ZBED4: variants seen among roughly 807,000 people sequenced by gnomAD.
ZBED4 encodes the protein zinc finger BED-type containing 4, also known as zinc finger BED domain-containing protein 4.
Under a neutral mutation model 15.5 loss-of-function variants are expected in ZBED4, and 4 were observed. The ratio of observed to expected loss-of-function variants is 0.26; its 90% CI spans 0.13 to 0.59. The LOEUF (loss-of-function observed/expected upper bound fraction) is 0.59. ZBED4 is among the 20% of genes least tolerant of loss of function. The pLI is 0.90. For missense variants in ZBED4, 1,323 were observed against 1,461.8 expected (o/e 0.91, Z 1.55); for synonymous variants, 692 against 608.5 (o/e 1.14, Z -2.02).
chr22:49,885,897 C>T lies in ZBED4; in HGVS notation c.2235C>T (p.Thr745=). ...GTAACCAGACCCGTGAGTACCTGAC[C>T]CTCACGGCCCACTGGGTTTCCTTCG... ...WMSNQTREYL[T]LTAHWVSFES... The change falls in exon 2 of 2, where the codon ACC becomes ACT. Residue 745 remains threonine (T), a synonymous_variant. Transcript: ENST00000216268. The T allele has an allele frequency of 9.4e-7, 1 of 1,064,472 alleles. No homozygotes were observed. The highest frequency in any genetic ancestry group is 1.4e-6 in the Non-Finnish European group (1 of 693,418). 65.9% of individuals were successfully genotyped at this position (1,064,472 alleles called of 1,614,324 possible).
At position 49,884,577 on chromosome 22, in the gene ZBED4, C is replaced by T. The variant is rs770426696; in HGVS notation, c.915C>T (p.Val305=). 1.8e-5 allele frequency: 29 copies of T among 1,612,414 alleles called. No individual in the cohort carries two copies. The Admixed American group carries it at 4.8e-4, about 27-fold the overall frequency. The part of the protein sequence containing the change: ...YLSPLDNSKA[V]CIHCMNEFSR... ...CGCCACTGGACAACTCCAAAGCTGT[C>T]TGCATTCACTGCATGAACGAGTTCA... Residue 305 remains valine (V), a synonymous_variant, in exon 2 of 2, where the codon GTC becomes GTT. Coordinates refer to ENST00000216268, the MANE Select transcript of ZBED4 (RefSeq NM_014838.3).
chr22:49,853,546 G>A (rs1378575302), upstream of ZBED4, among the ~76,000 whole-genome samples: 1 of 152,164 alleles, frequency 6.6e-6, no homozygotes, highest in East Asian at 1.9e-4. Context: ...AGGCGCCCGC[G>A]CCCCGCCCAG....
intron 1 of ZBED4, among the ~76,000 whole-genome samples, chr22:49,871,777 C>T (rs1280451237): frequency 2.1e-5 from 3 of 142,672 alleles, no homozygotes; most frequent in Non-Finnish European, 3.1e-5. Flanking sequence ...TTTTTTGAGA[C>T]AGAGTCTTAC....
At chr22:49,863,381 C>T (rs2060306190) in intron 1 of ZBED4, among the ~76,000 whole-genome samples, 1 of 152,200 alleles carries the variant, frequency 6.6e-6, no homozygotes, top group African/African-American at 2.4e-5. Flanking sequence ...GTAATCCCAG[C>T]ACTTTGGGAG....
chr22:49,883,691 A>C lies in ZBED4; in HGVS notation c.29A>C (p.Lys10Thr). MENNLKTCP[K>T]EDGDFVSDKI... The stretch of plus-strand genomic sequence containing the variant: ...GAGAATAACTTGAAAACTTGTCCCA[A>C]AGAGGACGGTGATTTCGTTTCTGAT... Residue 10 changes from lysine to threonine, a missense_variant, in exon 2 of 2, where the codon AAA becomes ACA. By Grantham distance (78) the Lys-to-Thr change is moderately conservative (BLOSUM62 -1). Around this residue, in one of 6 missense-constraint regions of ZBED4, gnomAD observed 380 missense variants for 413.7 expected, o/e 0.92. Transcript: ENST00000216268. 6.3e-7 allele frequency: 1 copy of C among 1,595,444 alleles called. No homozygotes were observed. Among genetic ancestry groups the C allele is most frequent in the Non-Finnish European group, 8.6e-7 (1 of 1,166,724 alleles).
chr22:49,886,841 C>T lies in ZBED4; in HGVS notation c.3179C>T (p.Ala1060Val), dbSNP rs772461374. The T allele has an allele frequency of 6.2e-6, 10 of 1,613,868 alleles. No individual in the cohort carries two copies. The Admixed American group carries it at 1.5e-4, about 24-fold the overall frequency. ...DAGSPSKDSA[A>V]EENLWSLVAK... ...GGCTCCCCGTCGAAAGACTCTGCCG[C>T]AGAGGAGAACCTGTGGTCACTTGTG... Residue 1060 changes from alanine (A) to valine (V), a missense_variant, in exon 2 of 2, where the codon GCA becomes GTA. By Grantham distance (64) the Ala-to-Val change is moderately conservative. This residue lies in a region of ZBED4 where 312 missense variants were observed against 410.7 expected (regional missense o/e 0.76). Coordinates refer to ENST00000216268, the MANE Select transcript of ZBED4 (RefSeq NM_014838.3). This position sits in a 1 kb window ranked among gnomAD's most constrained non-coding sequence, Gnocchi z 7.7.
At chr22:49,853,117 C>A (rs1000774008), upstream of ZBED4, 2 of 152,320 alleles carry the variant, frequency 1.3e-5, no homozygotes, top group South Asian at 4.1e-4. Context: ...ACCTCGGGGC[C>A]ACATTCAGCA....
chr22:49,861,580 C>T (rs1051227742), intron 1 of ZBED4, among the ~76,000 whole-genome samples: 19 of 152,132 alleles, frequency 1.2e-4, no homozygotes, highest in African/African-American at 4.1e-4. Context: ...ACTACAGGCG[C>T]ATGCCACCAT....
intron 1 of ZBED4, among the ~76,000 whole-genome samples, chr22:49,882,081 T>C (rs899332516): frequency 2.6e-5 from 4 of 152,214 alleles, no homozygotes; most frequent in African/African-American, 4.8e-5. Flanking sequence ...AAATACATGA[T>C]GTGGTGACTT....
Position 49,885,657 on chromosome 22 carries a change from G to C in ZBED4, c.1995G>C (p.Met665Ile). The change falls in exon 2 of 2, where the codon ATG becomes ATC. Residue 665 changes from methionine to isoleucine, a missense_variant. Met to Ile is a conservative substitution (Grantham distance 10). Around this residue, in one of 6 missense-constraint regions of ZBED4, gnomAD observed 89 missense variants for 129.8 expected, o/e 0.69. Transcript: ENST00000216268. ...AKKITSLIAE[M>I]IALDLQPYSF... ...AAATCACAAGTCTCATAGCTGAAAT[G>C]ATTGCACTTGACCTCCAGCCATATT... 6.2e-7 allele frequency: 1 copy of C among 1,612,992 alleles called. No individual in the cohort carries two copies. The highest frequency in any genetic ancestry group is 8.5e-7 in the Non-Finnish European group (1 of 1,179,050).
chr22:49,857,580 T>G (rs571299243), intron 1 of ZBED4, among the ~76,000 whole-genome samples: 9 of 152,312 alleles, frequency 5.9e-5, no homozygotes, highest in African/African-American at 2.2e-4. Context: ...ACCTTTAGCT[T>G]TGGGTTCCCC....
Position 49,873,604 on chromosome 22 carries a change from G to A in ZBED4, c.-329-9730G>A, listed in dbSNP as rs74833540. ...CTGTTAGAAAATGGCACCGATGGAC[G>A]TGCTTGATGCAGGATTGCCACAAAC... is the stretch of plus-strand genomic sequence containing the variant. On this transcript the variant is annotated intron_variant, in intron 1 of 1. Coordinates refer to ENST00000216268, the MANE Select transcript of ZBED4 (RefSeq NM_014838.3). 1.3e-4 allele frequency among the ~76,000 whole-genome samples: 20 copies of A among 151,996 alleles called. 3 individuals carry two copies. The highest frequency in any genetic ancestry group is 6.5e-4 in the Admixed American group (10 of 15,300).
intron 1 of ZBED4, among the ~76,000 whole-genome samples, chr22:49,870,939 A>G (rs1461355926): frequency 1.1e-5 from 1 of 89,340 alleles, no homozygotes; most frequent in East Asian, 3.7e-4. Context: ...TTTTTAAAAG[A>G]TAGATTTTTT....
intron 1 of ZBED4, among the ~76,000 whole-genome samples, chr22:49,865,919 C>G (rs2060320597): frequency 6.6e-6 from 1 of 151,132 alleles, no homozygotes; most frequent in South Asian, 2.1e-4. Context: ...ACTATATTGC[C>G]CAGGCTGGTC....
At chr22:49,869,693 G>A (rs1433056545) in intron 1 of ZBED4, among the ~76,000 whole-genome samples, 4 of 152,088 alleles carry the variant, frequency 2.6e-5, no homozygotes, top group African/African-American at 4.8e-5. Context: ...ACGTAAAAGT[G>A]GAAAGGGTAG....
chr22:49,862,334 C>G (rs150692212), intron 1 of ZBED4, among the ~76,000 whole-genome samples: 1 of 152,224 alleles, frequency 6.6e-6, no homozygotes, highest in Admixed American at 6.5e-5. Flanking sequence ...GAATTGATCT[C>G]CTGTGCTCAA....
chr22:49,859,190 T>G (rs539967325), intron 1 of ZBED4, among the ~76,000 whole-genome samples: 2 of 152,288 alleles, frequency 1.3e-5, no homozygotes, highest in Non-Finnish European at 2.9e-5. Flanking sequence ...TTGTCTGTGT[T>G]TCCCTTCTTT....
At position 49,885,770 on chromosome 22, in the gene ZBED4, C is replaced by A; in HGVS notation, c.2108C>A (p.Thr703Lys). The A allele has an allele frequency of 1.2e-6, 2 of 1,605,246 alleles. No homozygotes were observed. The highest frequency in any genetic ancestry group is 2.7e-5 in the African/African-American group (2 of 74,796). ...SLPAPSYFSRTAIPGMYDNVK... is the reference protein window; with the variant it reads ...SLPAPSYFSRKAIPGMYDNVK... The stretch of plus-strand genomic sequence containing the variant: ...CCCGCCCCTTCCTACTTCTCCAGGA[C>A]AGCTATCCCAGGTATGTATGATAAT... Residue 703 changes from threonine (T) to lysine (K), a missense_variant, in exon 2 of 2, where the codon ACA (threonine) becomes AAA (lysine). Coordinates refer to ENST00000216268, the MANE Select transcript of ZBED4 (RefSeq NM_014838.3).
chr22:49,887,291 C>A lies in ZBED4; in HGVS notation c.*113C>A. 2 of 1,130,694 alleles carry A rather than the reference C, an allele frequency of 1.8e-6. No homozygotes were observed. Among genetic ancestry groups the A allele is most frequent in the Non-Finnish European group, 2.5e-6 (2 of 797,764 alleles). The allele number at this position is 1,130,694 out of a possible 1,614,324, so 70.0% of individuals were successfully genotyped here. On this transcript the variant is annotated 3_prime_UTR_variant, in exon 2 of 2. Coordinates refer to ENST00000216268, the MANE Select transcript of ZBED4 (RefSeq NM_014838.3). The stretch of plus-strand genomic sequence containing the variant: ...TGTGTACGACATCAGACCAGGCACT[C>A]TCAGGGCCGCTCTCCAGCTCACCAC...
Sources: gnomAD v4.1 joint callset for allele counts (sites outside exome capture counted in the v4.1 genomes callset) on GRCh38, gnomAD v4.1.1 for gene constraint, gnomAD v4.1.1 regional missense constraint, Gnocchi (gnomAD v3.1) non-coding constraint, MANE v1.5 for transcripts, NCBI Gene and HGNC (gene_info 2026-07-23, HGNC 2026-07-21) for gene names.